MIPOL1: variants seen among roughly 807,000 people sequenced by gnomAD.
The protein encoded by MIPOL1 is mirror-image polydactyly 1.
MIPOL1 carries 57 observed loss-of-function variants against 60.9 expected under a neutral mutation model. That is an observed-to-expected ratio of 0.94 (90% CI 0.76 to 1.17). MIPOL1 has a LOEUF of 1.17. MIPOL1 is among the 50% of genes most tolerant of loss of function. MIPOL1 has a pLI of 0.00. For missense variants in MIPOL1, 551 were observed against 511.6 expected (o/e 1.08, Z -0.74); for synonymous variants, 179 against 168.8 (o/e 1.06, Z -0.47).
rs148237263 is a variant in MIPOL1, at chr14:37,490,713, G to A, written c.1032-9195G>A. Reference sequence around the variant, plus strand: ...CCTTGGGTAGGGAAGAGAATTTCCTGACCCCTTAACACTTCCCAGATGAGG... The same window carrying A: ...CCTTGGGTAGGGAAGAGAATTTCCTAACCCCTTAACACTTCCCAGATGAGG... On this transcript the variant is annotated intron_variant, in intron 11 of 12. Coordinates refer to ENST00000684589, the MANE Select transcript of MIPOL1 (RefSeq NM_001388067.1). Among the ~76,000 whole-genome samples, 55 of 152,184 alleles carry A rather than the reference G, an allele frequency of 3.6e-4. No homozygotes were observed. In the East Asian group the frequency reaches 8.9e-3, roughly 25 times the overall value.
chr14:37,292,285 C>T (rs1045448911), intron 7 of MIPOL1, among the ~76,000 whole-genome samples: 5 of 151,676 alleles, frequency 3.3e-5, no homozygotes, highest in Admixed American at 6.6e-5. Flanking sequence ...AATCATAGCA[C>T]GTTGGTTGAT....
chr14:37,454,985 T>C (rs1449178900), intron 11 of MIPOL1, among the ~76,000 whole-genome samples: 1 of 152,206 alleles, frequency 6.6e-6, no homozygotes, highest in East Asian at 1.9e-4. Flanking sequence ...TTGAACTGCC[T>C]CTACATACTC....
chr14:37,499,880 C>CT, intron 11 of MIPOL1, 28 bp from the exon 12 acceptor site: 1 of 1,294,306 alleles, frequency 7.7e-7, no homozygotes, highest in African/African-American at 1.5e-5. Flanking sequence ...CATTACTTAT[C>CT]TTTAAATTTT....
In MIPOL1 at chr14:37,338,559, C is replaced by T. The variant is rs1204917608; in HGVS notation, c.828+30040C>T. 2.6e-5 allele frequency among the ~76,000 whole-genome samples: 4 copies of T among 152,018 alleles called. No individual in the cohort carries two copies. The East Asian group carries it at 7.8e-4, about 29-fold the overall frequency. On this transcript the variant is annotated intron_variant, in intron 9 of 12. Transcript: ENST00000684589. ...GAATAACTGGGACCATAGGTGTGCG[C>T]CACCATGCCCAGCTAATTTTTGTAT... is the stretch of plus-strand genomic sequence containing the variant.
chr14:37,201,906 C>T (rs1965400865), intron 1 of MIPOL1, among the ~76,000 whole-genome samples: 2 of 152,146 alleles, frequency 1.3e-5, no homozygotes, highest in African/African-American at 4.8e-5. Context: ...GCAATCATAG[C>T]TCACTGTAAC....
At chr14:37,286,423 A>G (rs1446132465) in intron 7 of MIPOL1, among the ~76,000 whole-genome samples, 3 of 152,200 alleles carry the variant, frequency 2.0e-5, no homozygotes, top group Non-Finnish European at 4.4e-5. Flanking sequence ...AAGCTCCCAG[A>G]TGTTACACAT....
At chr14:37,227,445 G>C (rs1341938565) in intron 1 of MIPOL1, among the ~76,000 whole-genome samples, 1 of 152,110 alleles carries the variant, frequency 6.6e-6, no homozygotes, top group African/African-American at 2.4e-5. Context: ...CAGCAGAACA[G>C]AGACACATCC....
chr14:37,536,154 A>C (rs1373536918), intron 12 of MIPOL1, among the ~76,000 whole-genome samples: 1 of 152,182 alleles, frequency 6.6e-6, no homozygotes, highest in South Asian at 2.1e-4. Context: ...GAAATCAACA[A>C]ACTAATTCAT....
intron 6 of MIPOL1, among the ~76,000 whole-genome samples, chr14:37,281,416 G>T (rs987529742): frequency 6.6e-6 from 1 of 151,796 alleles, no homozygotes; most frequent in Non-Finnish European, 1.5e-5. Context: ...GTTTGGTTTG[G>T]TTTTTTTGAG....
intron 7 of MIPOL1, among the ~76,000 whole-genome samples, chr14:37,296,426 C>G (rs2085689017): frequency 6.6e-6 from 1 of 152,098 alleles, no homozygotes; most frequent in African/African-American, 2.4e-5. Context: ...CATTCAAAAG[C>G]TAGCATAAGG....
chr14:37,451,826 T>C (rs1323701898), intron 11 of MIPOL1, among the ~76,000 whole-genome samples: 26 of 136,462 alleles, frequency 1.9e-4, no homozygotes, highest in Non-Finnish European at 3.9e-4. Context: ...TTTTTTTTTT[T>C]TTTTTTGAGA....
At chr14:37,293,603 C>G (rs960047224) in intron 7 of MIPOL1, among the ~76,000 whole-genome samples, 2 of 152,154 alleles carry the variant, frequency 1.3e-5, no homozygotes, top group African/African-American at 4.8e-5. Context: ...TCGGATCACT[C>G]CCACCCTAAT....
Position 37,268,812 on chromosome 14 carries a change from G to C in MIPOL1, c.387+19G>C. 1 of 1,534,198 alleles carries C rather than the reference G, an allele frequency of 6.5e-7. No homozygotes were observed. The highest frequency in any genetic ancestry group is 8.8e-7 in the Non-Finnish European group (1 of 1,131,112). The stretch of plus-strand genomic sequence containing the variant: ...TAAAAAGGTATAATATGGAAAGTCT[G>C]ATAATTGTATAGTATGGGTTTAGCT... On this transcript the variant is annotated intron_variant, in intron 5 of 12. Coordinates refer to ENST00000684589, the MANE Select transcript of MIPOL1 (RefSeq NM_001388067.1).
chr14:37,544,631 G>T (rs935101247), intron 12 of MIPOL1, among the ~76,000 whole-genome samples: 2 of 152,154 alleles, frequency 1.3e-5, no homozygotes, highest in South Asian at 2.1e-4. Flanking sequence ...GCCCATGTTT[G>T]GCAGGTGTAT....
At chr14:37,454,976 T>G (rs1037001452) in intron 11 of MIPOL1, among the ~76,000 whole-genome samples, 1 of 152,206 alleles carries the variant, frequency 6.6e-6, no homozygotes, top group Non-Finnish European at 1.5e-5. Context: ...GTCTTTTCCT[T>G]GAACTGCCTC....
At chr14:37,445,657 A>G (rs1368425961) in intron 11 of MIPOL1, among the ~76,000 whole-genome samples, 1 of 151,926 alleles carries the variant, frequency 6.6e-6, no homozygotes, top group Non-Finnish European at 1.5e-5. Context: ...GCATCACACT[A>G]CCTAACTTCA....
chr14:37,385,058 C>CG (rs1480839892), intron 10 of MIPOL1, among the ~76,000 whole-genome samples: 1 of 151,942 alleles, frequency 6.6e-6, no homozygotes, highest in Non-Finnish European at 1.5e-5. Context: ...GTACGTTAAA[C>CG]TTTCCAAGAA....
intron 11 of MIPOL1, among the ~76,000 whole-genome samples, chr14:37,439,520 A>G (rs906190066): frequency 5.3e-5 from 8 of 152,324 alleles, no homozygotes; most frequent in South Asian, 4.1e-4. Flanking sequence ...AAATACTTCA[A>G]TACTTTATAT....
At chr14:37,353,843 CT>C (rs2091596193) in intron 9 of MIPOL1, among the ~76,000 whole-genome samples, 2 of 151,782 alleles carry the variant, frequency 1.3e-5, no homozygotes, top group Non-Finnish European at 2.9e-5. Flanking sequence ...TTTGTTGATC[CT>C]TTCAAAAAAC....
Sources: gnomAD v4.1 joint callset for allele counts (sites outside exome capture counted in the v4.1 genomes callset) on GRCh38, gnomAD v4.1.1 for gene constraint, MANE v1.5 for transcripts, NCBI Gene and HGNC (gene_info 2026-07-23, HGNC 2026-07-21) for gene names.